The following PDXDC1 variants were observed in gnomAD, a reference collection of about 807,000 sequenced individuals.
PDXDC1 encodes pyridoxal-dependent decarboxylase domain-containing protein 1.
Under a neutral mutation model 100.1 loss-of-function variants are expected in PDXDC1, and 42 were observed. The observed-to-expected ratio is 0.42, with a 90% CI of 0.33 to 0.54. The LOEUF (loss-of-function observed/expected upper bound fraction) is 0.54. Among genes scored for constraint, PDXDC1 ranks in the 20% least tolerant of loss-of-function variants. The probability of loss-of-function intolerance (pLI) is 0.10; values close to 1 mark genes in which losing one functional copy is unlikely to be tolerated. For synonymous variants in PDXDC1, 260 were observed against 371.7 expected (o/e 0.70, Z 3.46); for missense variants, 636 against 979.2 (o/e 0.65, Z 4.68).
chr16:15,022,744 T>G lies in PDXDC1; in HGVS notation c.1130T>G (p.Ile377Ser), dbSNP rs1427351784. The G allele has an allele frequency of 1.2e-6, 2 of 1,611,734 alleles. No homozygotes were observed. Among genetic ancestry groups the G allele is most frequent in the Non-Finnish European group, 1.7e-6 (2 of 1,178,702 alleles). The change falls in exon 13 of 23, where the codon ATC becomes AGC. Residue 377 changes from isoleucine to serine, a missense_variant. Ile to Ser is a moderately radical substitution (Grantham distance 142). Around this residue, in one of 4 missense-constraint regions of PDXDC1, gnomAD observed 125 missense variants for 479.9 expected, o/e 0.26. Transcript: ENST00000396410. ...GAAAGTTTGAAGAAAGTGAATTACA[T>G]CAAAATCTTGGTATAGTATATAAGT... Reference protein sequence around the residue: ...LQESLKKVNYIKILVEDELSS... With the variant: ...LQESLKKVNYSKILVEDELSS...
chr16:15,017,249 T>G (rs1210509815), intron 10 of PDXDC1, 72 bp from the exon 11 acceptor site: 1 of 1,606,186 alleles, frequency 6.2e-7, no homozygotes, highest in Admixed American at 1.7e-5. Context: ...CTTCACAGTT[T>G]TTATGAATGG....
chr16:15,038,754 C>T (rs953522416), downstream of PDXDC1: 18 of 830,786 alleles, frequency 2.2e-5, no homozygotes, highest in Non-Finnish European at 2.9e-5. Context: ...CTCCCAGTAA[C>T]GCAAGCTCCA....
chr16:15,135,964 G>C, intron 16 of PDXDC1: 2 of 1,575,122 alleles, frequency 1.3e-6, no homozygotes, highest in Non-Finnish European at 1.7e-6. Context: ...CACGCGCCGG[G>C]CACCCCGGCT....
chr16:15,076,610 G>C lies in PDXDC1; in HGVS notation c.1399+46554G>C, dbSNP rs765553159. 17 of 1,613,204 alleles carry C rather than the reference G, an allele frequency of 1.1e-5. No individual in the cohort carries two copies. The Admixed American group carries it at 2.7e-4, about 25-fold the overall frequency. Reference sequence around the variant, plus strand: ...TGTCCCACCACAAGTTTGAGTTGCTGTTTCTTCAGCATCTTCAATACCCTG... The same window carrying C: ...TGTCCCACCACAAGTTTGAGTTGCTCTTTCTTCAGCATCTTCAATACCCTG... On this transcript the variant is annotated intron_variant, in intron 16 of 16. Coordinates refer to the PDXDC1 transcript ENST00000535621.
chr16:15,104,604 G>A (rs549897340), intron 16 of PDXDC1: 3 of 1,599,158 alleles, frequency 1.9e-6, no homozygotes, highest in Admixed American at 3.3e-5. Flanking sequence ...ACACTCCGCA[G>A]GTGTCTTGAG....
chr16:15,128,675 G>C (rs1418940693), intron 16 of PDXDC1, among the ~76,000 whole-genome samples: 3 of 151,910 alleles, frequency 2.0e-5, no homozygotes, highest in Non-Finnish European at 1.5e-5. Context: ...GACCCGCACT[G>C]CACACCTGTC....
chr16:15,029,611 A>G, intron 15 of PDXDC1: 1 of 482,364 alleles, frequency 2.1e-6, no homozygotes, highest in Middle Eastern at 5.2e-4. Flanking sequence ...GTTTTATGAC[A>G]ACAACTACAA....
chr16:15,061,202 T>G (rs148719001), intron 16 of PDXDC1: 1 of 152,400 alleles, frequency 6.6e-6, no homozygotes, highest in East Asian at 1.9e-4. Context: ...TTTCCTTCTG[T>G]CTTCTCTACA....
intron 1 of PDXDC1, among the ~76,000 whole-genome samples, chr16:14,994,336 C>G (rs1165847737): frequency 1.3e-5 from 2 of 152,298 alleles, no homozygotes; most frequent in African/African-American, 2.4e-5. Context: ...AGGAAGGGAT[C>G]CAGTTTCAGC....
chr16:15,024,879 A>T (rs1460204182), intron 13 of PDXDC1, among the ~76,000 whole-genome samples: 1 of 152,300 alleles, frequency 6.6e-6, no homozygotes, highest in Non-Finnish European at 1.5e-5. Flanking sequence ...ATCTGAAATC[A>T]AATCTGTTTG....
intron 1 of PDXDC1, among the ~76,000 whole-genome samples, chr16:14,984,085 C>T (rs1254379009): frequency 5.9e-5 from 9 of 152,236 alleles, no homozygotes; most frequent in African/African-American, 2.2e-4. Context: ...ATCGCTTGAG[C>T]CCAGGAGGGT....
chr16:15,000,656 C>T (rs1001972246), intron 3 of PDXDC1, among the ~76,000 whole-genome samples: 7 of 152,298 alleles, frequency 4.6e-5, no homozygotes, highest in African/African-American at 1.7e-4. Flanking sequence ...CTTTCCATCT[C>T]CTCATGTAAT....
At chr16:15,149,872 T>C in the PDXDC1 span, among the ~76,000 whole-genome samples, 2 of 152,016 alleles carry the variant, frequency 1.3e-5, no homozygotes. Context: ...TCTGGGACAA[T>C]GGGATGTCGG....
At chr16:14,997,212 A>G (rs1331500106) in intron 1 of PDXDC1, among the ~76,000 whole-genome samples, 21 of 152,212 alleles carry the variant, frequency 1.4e-4, no homozygotes, top group African/African-American at 5.1e-4. Flanking sequence ...TGGATGGGAG[A>G]TAGGTGTACA....
chr16:15,040,062 G>C (rs1317708456), downstream of PDXDC1: 1 of 1,589,546 alleles, frequency 6.3e-7, no homozygotes, highest in Non-Finnish European at 8.6e-7. Context: ...TCTTAATGTT[G>C]ACAGCTGTGA....
intron 16 of PDXDC1, chr16:15,125,615 A>C: frequency 8.4e-7 from 1 of 1,187,260 alleles, no homozygotes; most frequent in South Asian, 1.2e-5. Context: ...TGAGAGGTGC[A>C]CAGTGTCTGG....
At position 14,975,085 on chromosome 16, in the gene PDXDC1, C is replaced by A; in HGVS notation, c.-115C>A. ...GCCTGGCAGCTCCTCCTCTTCTCCG[C>A]CCCGCCGGCCGCGGGCGCGGGGGAC... On this transcript the variant is annotated 5_prime_UTR_variant, in exon 1 of 23. Coordinates refer to ENST00000396410, the MANE Select transcript of PDXDC1 (RefSeq NM_015027.4). The A allele has an allele frequency of 6.8e-7, 1 of 1,473,906 alleles. No homozygotes were observed. Among genetic ancestry groups the A allele is most frequent in the East Asian group, 2.6e-5 (1 of 39,070 alleles). 91.3% of individuals were successfully genotyped at this position (1,473,906 alleles called of 1,614,324 possible). A position where few individuals can be genotyped will look rare whatever the true frequency, so the allele number is the denominator to read the frequency against.
intron 16 of PDXDC1, among the ~76,000 whole-genome samples, chr16:15,081,717 G>T (rs2045710944): frequency 6.6e-6 from 1 of 152,192 alleles, no homozygotes; most frequent in East Asian, 1.9e-4. Context: ...GGTTGCTTGT[G>T]CTTAGGCATC....
At position 15,111,124 on chromosome 16, in the gene PDXDC1, TCACACA is replaced by T. The variant is rs200365846; in HGVS notation, c.1400-27728_1400-27723del. On this transcript the variant is annotated intron_variant, in intron 16 of 16. Transcript: ENST00000535621. ...GCCTGAGCGACAGAATGAGACTCTG[TCACACA>T]CACACACACACACACACACACACAC... 1.7e-3 allele frequency among the ~76,000 whole-genome samples: 241 copies of T among 138,798 alleles called. 5 individuals are homozygous for T. Among genetic ancestry groups the T allele is most frequent in the Middle Eastern group, 3.8e-3 (1 of 264 alleles). 91.1% of individuals were successfully genotyped at this position (138,798 alleles called of 152,430 possible). A position where few individuals can be genotyped will look rare whatever the true frequency, so the allele number is the denominator to read the frequency against.
Sources: gnomAD v4.1 joint callset for allele counts (sites outside exome capture counted in the v4.1 genomes callset) on GRCh38, gnomAD v4.1.1 for gene constraint, gnomAD v4.1.1 regional missense constraint, MANE v1.5 for transcripts, NCBI Gene and HGNC (gene_info 2026-07-23, HGNC 2026-07-21) for gene names.